The following ATP6V1B1 variants were observed in gnomAD, a reference collection of about 807,000 sequenced individuals.
ATP6V1B1 encodes the protein V-type proton ATPase subunit B, kidney isoform.
A neutral mutation model predicts 62.1 loss-of-function variants in ATP6V1B1; 41 were observed. That is an observed-to-expected ratio of 0.66 (90% CI 0.51 to 0.86). The LOEUF is 0.86. Among genes scored for constraint, ATP6V1B1 ranks in the 40% least tolerant of loss-of-function variants. The pLI is 0.00. For missense variants in ATP6V1B1, 651 were observed against 697.5 expected (o/e 0.93, Z 0.75); for synonymous variants, 253 against 273.4 (o/e 0.93, Z 0.74).
chr2:70,943,061 G>A (rs1680042154), intron 1 of ATP6V1B1, among the ~76,000 whole-genome samples: 1 of 152,130 alleles, frequency 6.6e-6, no homozygotes, highest in African/African-American at 2.4e-5. Flanking sequence ...TCCTTCCCTT[G>A]CCTTTTCACT....
rs1240730585 is a variant in ATP6V1B1, at chr2:70,963,115, T to C, written c.910-47T>C. On this transcript the variant is annotated intron_variant, in intron 9 of 13. Coordinates refer to ENST00000234396, the MANE Select transcript of ATP6V1B1 (RefSeq NM_001692.4). This position sits in a 1 kb window ranked among gnomAD's most constrained non-coding sequence, Gnocchi z 4.3. ...AACCTCCCACCCACCCTTCCTAGCT[T>C]CAGCCTCTCATCCCCTTTCTTACCC... The C allele has an allele frequency of 6.2e-7, 1 of 1,613,374 alleles. No individual in the cohort carries two copies. The highest frequency in any genetic ancestry group is 1.3e-5 in the African/African-American group (1 of 74,880).
At chr2:70,955,138 C>A (rs563750942) in intron 2 of ATP6V1B1, among the ~76,000 whole-genome samples, 1 of 151,998 alleles carries the variant, frequency 6.6e-6, no homozygotes, top group Non-Finnish European at 1.5e-5. Context: ...GGAGGAACAG[C>A]CTGATGGTTT....
At chr2:70,940,790 G>A in intron 1 of ATP6V1B1, 1 of 985,514 alleles carries the variant, frequency 1.0e-6, no homozygotes. Flanking sequence ...AGGTCGGGAG[G>A]GGGCACACAA....
intron 2 of ATP6V1B1, chr2:70,944,364 A>G (rs1680092628): frequency 1.8e-6 from 1 of 557,286 alleles, no homozygotes; most frequent in Admixed American, 3.7e-5. Context: ...CTGCAAAGGT[A>G]CAAGATCACT....
chr2:70,942,273 A>T (rs1680024036), intron 1 of ATP6V1B1: 1 of 399,408 alleles, frequency 2.5e-6, no homozygotes, highest in South Asian at 1.3e-4. Flanking sequence ...GAAGGCAGGG[A>T]GCTGAGGGAG....
At position 70,963,974 on chromosome 2, in the gene ATP6V1B1, G is replaced by A. The variant is rs781906489; in HGVS notation, c.1143+320G>A. 11 of 487,134 alleles carry A rather than the reference G, an allele frequency of 2.3e-5. No individual in the cohort carries two copies. Among genetic ancestry groups the A allele is most frequent in the African/African-American group, 1.4e-4 (7 of 51,318 alleles). The allele number at this position is 487,134 out of a possible 1,614,324, so 30.2% of individuals were successfully genotyped here. ...ATAAGTTGGCATATAGAAAGCATCT[G>A]GCAGATAGTCAATACTATTTGCCTT... On this transcript the variant is annotated intron_variant, in intron 11 of 13. Transcript: ENST00000234396. The surrounding 1 kb of genome is among the most constrained non-coding windows in gnomAD (Gnocchi z 4.3).
At chr2:70,955,762 A>C (rs1553418959) in intron 2 of ATP6V1B1, 1 of 152,252 alleles carries the variant, frequency 6.6e-6, no homozygotes, top group Non-Finnish European at 1.5e-5. Context: ...TAGGCAAAAA[A>C]ACAAATCTGC....
chr2:70,943,778 G>A (rs1572908477), intron 2 of ATP6V1B1, 65 bp downstream of exon 2: 1 of 1,591,812 alleles, frequency 6.3e-7, no homozygotes, highest in East Asian at 2.2e-5. Flanking sequence ...CCCCTGCCCT[G>A]CAGGATTTCT....
rs534759803 is a variant in ATP6V1B1, at chr2:70,948,502, G to A, written c.174+4789G>A. 8 of 154,940 alleles carry A rather than the reference G, an allele frequency of 5.2e-5. No homozygotes were observed. In the South Asian group the frequency reaches 1.6e-3, roughly 31 times the overall value. The allele number at this position is 154,940 out of a possible 1,614,324, so 9.6% of individuals were successfully genotyped here. On this transcript the variant is annotated intron_variant, in intron 2 of 13. Transcript: ENST00000234396. ...AGCCCTCCGTCACCTCCAGGGAGAT[G>A]ACAAATAATGAGGCAGGGCCCGTTT...
intron 1 of ATP6V1B1, among the ~76,000 whole-genome samples, chr2:70,936,414 G>A (rs900067464): frequency 6.6e-6 from 1 of 152,134 alleles, no homozygotes; most frequent in African/African-American, 2.4e-5. Context: ...TTGTGTAAAC[G>A]TGCCTGTGTG....
chr2:70,945,701 G>GAGAGATATATAT (rs1553417203), intron 2 of ATP6V1B1, among the ~76,000 whole-genome samples: 27 of 83,016 alleles, frequency 3.3e-4, no homozygotes, highest in African/African-American at 1.3e-3. Flanking sequence ...TATTTGAAGA[G>GAGAGATATATAT]ATATATATAT....
rs782001570 is a variant in ATP6V1B1, at chr2:70,965,026, A to G, written c.1447A>G (p.Lys483Glu). ...LGWKLLRIFP[K>E]EMLKRIPQAV... The stretch of plus-strand genomic sequence containing the variant: ...CTGGAAGCTGCTGCGCATCTTCCCC[A>G]AGGAGATGCTGAAGCGCATTCCGCA... Residue 483 changes from lysine to glutamate, a missense_variant, in exon 14 of 14, where the codon AAG becomes GAG. Lys to Glu is a moderately conservative substitution (Grantham distance 56). Coordinates refer to ENST00000234396, the MANE Select transcript of ATP6V1B1 (RefSeq NM_001692.4). The G allele has an allele frequency of 6.2e-7, 1 of 1,613,702 alleles. No homozygotes were observed. The highest frequency in any genetic ancestry group is 1.1e-5 in the South Asian group (1 of 91,086).
At chr2:70,941,103 A>G in intron 1 of ATP6V1B1, 1 of 456,726 alleles carries the variant, frequency 2.2e-6, no homozygotes, top group Non-Finnish European at 2.9e-6. Flanking sequence ...TTTTCTGTAG[A>G]GACGAGGCTT....
chr2:70,936,182 C>G, intron 1 of ATP6V1B1, 110 bp downstream of exon 1: 4 of 1,121,214 alleles, frequency 3.6e-6, no homozygotes, highest in Non-Finnish European at 5.2e-6. Flanking sequence ...GACCCAAGAC[C>G]TGGGGAGACC....
chr2:70,944,285 C>T (rs1344623640), intron 2 of ATP6V1B1: 3 of 1,207,966 alleles, frequency 2.5e-6, no homozygotes, highest in Non-Finnish European at 3.2e-6. Flanking sequence ...TTTGTAGCCC[C>T]TGGGAAACTG....
chr2:70,957,945 G>C (rs977528465), intron 2 of ATP6V1B1, 101 bp from the exon 3 acceptor site: 14 of 1,058,308 alleles, frequency 1.3e-5, no homozygotes, highest in Non-Finnish European at 1.6e-5. Context: ...GGACACTAGA[G>C]GGGAGAGAAC....
chr2:70,942,240 A>G (rs1401280629), intron 1 of ATP6V1B1: 4 of 406,030 alleles, frequency 9.9e-6, no homozygotes, highest in African/African-American at 2.1e-5. Context: ...GGTGCAGGCC[A>G]GGCAGGTCTG....
rs1028687646 is a variant in ATP6V1B1 at position 70,936,198 on chromosome 2, G to A, written c.118+126G>A. ...ACCCAAGACCTGGGGAGACCTGGAG[G>A]GCTCTCTGTCCAGCAGAGTGACGCA... is the stretch of plus-strand genomic sequence containing the variant. On this transcript the variant is annotated intron_variant, in intron 1 of 13. Coordinates refer to ENST00000234396, the MANE Select transcript of ATP6V1B1 (RefSeq NM_001692.4). 103 of 1,003,790 alleles carry A rather than the reference G, an allele frequency of 1.0e-4. No homozygotes were observed. In the African/African-American group the frequency reaches 1.5e-3, roughly 15 times the overall value. The allele number at this position is 1,003,790 out of a possible 1,614,324, so 62.2% of individuals were successfully genotyped here. A position where few individuals can be genotyped will look rare whatever the true frequency, so the allele number is the denominator to read the frequency against.
At chr2:70,951,088 G>A (rs1468065996) in intron 2 of ATP6V1B1, among the ~76,000 whole-genome samples, 1 of 151,020 alleles carries the variant, frequency 6.6e-6, no homozygotes, top group African/African-American at 2.4e-5. Context: ...GATTACAGGC[G>A]CCCTCTACCA....
Sources: allele counts gnomAD v4.1 joint callset (sites outside exome capture counted in the v4.1 genomes callset), GRCh38; gene constraint gnomAD v4.1.1; non-coding constraint Gnocchi (gnomAD v3.1); transcripts MANE v1.5; gene names NCBI Gene and HGNC (gene_info 2026-07-23, HGNC 2026-07-21).